Variants in UNC13C observed in about 807,000 individuals in gnomAD.
UNC13C encodes the protein protein unc-13 homolog C.
Under a neutral mutation model 245.4 loss-of-function variants are expected in UNC13C, and 174 were observed. The ratio of observed to expected loss-of-function variants is 0.71; its 90% confidence interval spans 0.63 to 0.80. The LOEUF (loss-of-function observed/expected upper bound fraction) is 0.80, where lower values mean the gene tolerates loss of function less well. UNC13C is among the 30% of genes least tolerant of loss of function. The probability of loss-of-function intolerance (pLI) is 0.00; values close to 1 mark genes in which losing one functional copy is unlikely to be tolerated. For synonymous variants in UNC13C, 992 were observed against 895.1 expected (o/e 1.11, Z -1.93); for missense variants, 2,829 against 2,602.9 (o/e 1.09, Z -1.89).
chr15:54,127,278 C>A (rs2141206524), intron 2 of UNC13C, among the ~76,000 whole-genome samples: 1 of 152,228 alleles, frequency 6.6e-6, no homozygotes. Flanking sequence ...TAGCACTGTT[C>A]ATGATACCAA....
chr15:54,531,443 T>C (rs915784237), intron 25 of UNC13C, among the ~76,000 whole-genome samples: 1 of 152,186 alleles, frequency 6.6e-6, no homozygotes, highest in Non-Finnish European at 1.5e-5. Flanking sequence ...GCCATGTTTG[T>C]ACTAAAACTA....
chr15:54,448,955 T>A (rs548958138), intron 19 of UNC13C, among the ~76,000 whole-genome samples: 2 of 152,212 alleles, frequency 1.3e-5, no homozygotes, highest in Non-Finnish European at 2.9e-5. Context: ...CAGGAGCTCT[T>A]GCAGGGCAGG....
chr15:53,856,658 C>G, the UNC13C span, among the ~76,000 whole-genome samples: 1 of 152,016 alleles, frequency 6.6e-6, no homozygotes, highest in African/African-American at 2.4e-5. Flanking sequence ...GTCTGAGATA[C>G]TGTTATGATT....
chr15:53,959,561 C>G, the UNC13C span, among the ~76,000 whole-genome samples: 1 of 152,090 alleles, frequency 6.6e-6, no homozygotes, highest in Non-Finnish European at 1.5e-5. Flanking sequence ...TGATTTTTCA[C>G]CCATACCTAG....
chr15:54,529,795 T>A (rs1895650974), intron 25 of UNC13C, among the ~76,000 whole-genome samples: 1 of 152,154 alleles, frequency 6.6e-6, no homozygotes, highest in Admixed American at 6.6e-5. Flanking sequence ...TCATTACCAT[T>A]CCAATCATTT....
At chr15:54,488,764 C>A (rs140464741) in intron 19 of UNC13C, among the ~76,000 whole-genome samples, 1 of 152,134 alleles carries the variant, frequency 6.6e-6, no homozygotes, top group African/African-American at 2.4e-5. Flanking sequence ...AAAATATTCA[C>A]ATTTCTCATT....
In UNC13C at chr15:54,362,426, G is replaced by A. The variant is rs564301206; in HGVS notation, c.4713+23937G>A. ...ACTGGTCATGCCTTCTCTCGATACT[G>A]TAGGCCCAAGAGATTTCTTCATTAC... On this transcript the variant is annotated intron_variant, in intron 17 of 32. Transcript: ENST00000260323. 2.0e-5 allele frequency among the ~76,000 whole-genome samples: 3 copies of A among 152,310 alleles called. No homozygotes were observed. In the South Asian group the frequency reaches 6.2e-4, roughly 32 times the overall value.
intron 2 of UNC13C, among the ~76,000 whole-genome samples, chr15:54,057,188 C>G (rs1897569584): frequency 6.6e-6 from 1 of 152,012 alleles, no homozygotes; most frequent in Non-Finnish European, 1.5e-5. Context: ...GAGTCAAGAC[C>G]CATCGATGTG....
chr15:54,279,483 C>T (rs550013614), intron 10 of UNC13C, among the ~76,000 whole-genome samples: 1 of 152,278 alleles, frequency 6.6e-6, no homozygotes, highest in Non-Finnish European at 1.5e-5. Flanking sequence ...GATTGCCTCT[C>T]CCGATTCAAG....
chr15:53,871,989 A>C, the UNC13C span, among the ~76,000 whole-genome samples: 1 of 152,312 alleles, frequency 6.6e-6, no homozygotes, highest in East Asian at 1.9e-4. Context: ...GTGTATGGAG[A>C]TGATGAAACC....
At chr15:54,455,581 G>A (rs555194995) in intron 19 of UNC13C, among the ~76,000 whole-genome samples, 1 of 147,348 alleles carries the variant, frequency 6.8e-6, no homozygotes, top group South Asian at 2.1e-4. Flanking sequence ...GTACTGCACT[G>A]TGGTTTTGAT....
At chr15:53,927,851 G>A in the UNC13C span, among the ~76,000 whole-genome samples, 1 of 152,164 alleles carries the variant, frequency 6.6e-6, no homozygotes, top group African/African-American at 2.4e-5. Flanking sequence ...GAATTCCAGG[G>A]AGAGCCAGCT....
intron 4 of UNC13C, among the ~76,000 whole-genome samples, chr15:54,168,427 T>C (rs1595938591): frequency 1.3e-5 from 2 of 152,216 alleles, no homozygotes; most frequent in South Asian, 2.1e-4. Flanking sequence ...TATTAAATAT[T>C]TCTGGTTCCT....
intron 28 of UNC13C, 101 bp downstream of exon 28, chr15:54,549,792 T>C: frequency 1.4e-6 from 1 of 720,170 alleles, no homozygotes; most frequent in East Asian, 2.7e-5. Context: ...ATGGCAGGAT[T>C]AAGAAGATGT....
chr15:54,603,919 C>CTT (rs967036557), intron 30 of UNC13C, among the ~76,000 whole-genome samples: 1 of 151,562 alleles, frequency 6.6e-6, no homozygotes, highest in African/African-American at 2.4e-5. Context: ...CACGGCTTTT[C>CTT]TTTTTTTTTC....
intron 19 of UNC13C, among the ~76,000 whole-genome samples, chr15:54,448,048 G>A (rs1052496932): frequency 6.6e-6 from 1 of 152,168 alleles, no homozygotes; most frequent in African/African-American, 2.4e-5. Flanking sequence ...AGTCATTCAG[G>A]AGCAGGTTGT....
At chr15:54,036,957 G>A (rs903875663) in intron 2 of UNC13C, among the ~76,000 whole-genome samples, 5 of 152,234 alleles carry the variant, frequency 3.3e-5, no homozygotes, top group African/African-American at 7.2e-5. Context: ...ACGAGAAGCA[G>A]GCCACTGTGC....
intron 30 of UNC13C, among the ~76,000 whole-genome samples, chr15:54,599,328 C>T (rs1347973859): frequency 1.3e-5 from 2 of 152,084 alleles, no homozygotes; most frequent in Non-Finnish European, 2.9e-5. Flanking sequence ...TTCAGAGGTA[C>T]AGATCAAGAA....
At chr15:54,488,556 A>T (rs957230533) in intron 19 of UNC13C, among the ~76,000 whole-genome samples, 2 of 152,198 alleles carry the variant, frequency 1.3e-5, no homozygotes, top group African/African-American at 4.8e-5. Flanking sequence ...AGAATATACC[A>T]TTCCTATTAT....
Sources: gnomAD v4.1 joint callset for allele counts (sites outside exome capture counted in the v4.1 genomes callset) on GRCh38, gnomAD v4.1.1 for gene constraint, MANE v1.5 for transcripts, NCBI Gene and HGNC (gene_info 2026-07-23, HGNC 2026-07-21) for gene names.